ZNF69: variants seen among roughly 807,000 people sequenced by gnomAD.
The protein encoded by ZNF69 is ZNF3.
A neutral mutation model predicts 50.9 loss-of-function variants in ZNF69; 47 were observed. That is an observed-to-expected ratio of 0.92 (90% CI 0.73 to 1.18). The LOEUF (loss-of-function observed/expected upper bound fraction) is 1.18. ZNF69 is among the 50% of genes most tolerant of loss of function. The probability of loss-of-function intolerance (pLI) is 0.00; values close to 1 mark genes in which losing one functional copy is unlikely to be tolerated. For synonymous variants in ZNF69, 216 were observed against 223.1 expected, an observed-to-expected ratio of 0.97 and a Z score of 0.29; for missense variants, 717 against 675.1, an observed-to-expected ratio of 1.06 and a Z score of -0.69.
chr19:11,937,874 G>T, the ZNF69 span, among the ~76,000 whole-genome samples: 1 of 152,086 alleles, frequency 6.6e-6, no homozygotes, highest in Non-Finnish European at 1.5e-5. Context: ...TAATCATGAG[G>T]AGATATTAAC....
the ZNF69 span, among the ~76,000 whole-genome samples, chr19:11,958,452 C>T: frequency 3.3e-5 from 5 of 151,826 alleles, no homozygotes; most frequent in Admixed American, 2.0e-4. Context: ...CTGGAGAATT[C>T]GCTGGTGTTC....
At chr19:11,932,470 AT>A in the ZNF69 span, among the ~76,000 whole-genome samples, 1 of 148,578 alleles carries the variant, frequency 6.7e-6, no homozygotes, top group Admixed American at 6.6e-5. Flanking sequence ...AAAGTATTAC[AT>A]ATGCACAAAA....
At chr19:11,933,364 A>C in the ZNF69 span, among the ~76,000 whole-genome samples, 1 of 148,336 alleles carries the variant, frequency 6.7e-6, no homozygotes, top group South Asian at 2.1e-4. Context: ...TGAAGAAGCC[A>C]ATATTATTAT....
At chr19:11,978,336 G>C in the ZNF69 span, 1 of 1,614,082 alleles carries the variant, frequency 6.2e-7, no homozygotes, top group African/African-American at 1.3e-5. Context: ...CGAGTATCAG[G>C]ACTATGCACC....
the ZNF69 span, chr19:11,979,967 G>A: frequency 8.1e-7 from 1 of 1,229,048 alleles, no homozygotes; most frequent in Non-Finnish European, 1.2e-6. Context: ...ATCTTACACT[G>A]GAGAGAAACC....
At chr19:11,894,973 C>T (rs555965180) in intron 1 of ZNF69, among the ~76,000 whole-genome samples, 70 of 152,240 alleles carry the variant, frequency 4.6e-4, no homozygotes, top group African/African-American at 1.4e-3. Flanking sequence ...GGGCATAGTG[C>T]GGTGTTGGTG....
chr19:11,904,073 T>C, intron 3 of ZNF69, 108 bp downstream of exon 3: 1 of 1,350,856 alleles, frequency 7.4e-7, no homozygotes. Context: ...ATACATTTAT[T>C]TTTAGAATAT....
At chr19:11,897,694 A>C (rs1972155408) in intron 1 of ZNF69, among the ~76,000 whole-genome samples, 2 of 151,504 alleles carry the variant, frequency 1.3e-5, no homozygotes, top group Non-Finnish European at 3.0e-5. Flanking sequence ...AACATGGTGA[A>C]TCCCCGCCTC....
At chr19:11,955,128 C>T in the ZNF69 span, among the ~76,000 whole-genome samples, 1 of 151,072 alleles carries the variant, frequency 6.6e-6, no homozygotes, top group Non-Finnish European at 1.5e-5. Flanking sequence ...CCTCAGCCTC[C>T]TGAGTAGCTG....
At chr19:11,919,725 G>C in the ZNF69 span, among the ~76,000 whole-genome samples, 5,485 of 152,204 alleles carry the variant, frequency 0.036, 362 homozygotes, top group African/African-American at 0.13. Flanking sequence ...AGAGAACTCT[G>C]TCTCTCCAGC....
At chr19:11,968,887 G>A in the ZNF69 span, among the ~76,000 whole-genome samples, 2 of 152,106 alleles carry the variant, frequency 1.3e-5, no homozygotes, top group African/African-American at 4.8e-5. Flanking sequence ...TAAAAAGACA[G>A]TGACAAGGGA....
At chr19:11,951,235 T>TG in the ZNF69 span, among the ~76,000 whole-genome samples, 2 of 147,602 alleles carry the variant, frequency 1.4e-5, no homozygotes, top group Admixed American at 6.6e-5. Flanking sequence ...TGCTGGTTTT[T>TG]GTTTTTTTTT....
At chr19:11,890,122 C>A (rs954280792) in intron 1 of ZNF69, among the ~76,000 whole-genome samples, 2 of 152,176 alleles carry the variant, frequency 1.3e-5, no homozygotes, top group Non-Finnish European at 2.9e-5. Flanking sequence ...GAGACAGAAG[C>A]CTTCCTCTTA....
At chr19:11,965,043 T>G in the ZNF69 span, 3 of 801,710 alleles carry the variant, frequency 3.7e-6, no homozygotes, top group Non-Finnish European at 6.2e-6. Flanking sequence ...CGCATTCCTG[T>G]CCTCACCTTT....
At chr19:11,975,852 A>G in the ZNF69 span, among the ~76,000 whole-genome samples, 1 of 151,950 alleles carries the variant, frequency 6.6e-6, no homozygotes, top group Admixed American at 6.6e-5. Flanking sequence ...ACACCTGGAT[A>G]TATACACCTG....
At chr19:11,892,490 G>A (rs1303261629) in intron 1 of ZNF69, among the ~76,000 whole-genome samples, 1 of 152,056 alleles carries the variant, frequency 6.6e-6, no homozygotes, top group African/African-American at 2.4e-5. Flanking sequence ...CAGTGGGATG[G>A]CTCACACCTG....
At chr19:11,890,350 A>T (rs1233941476) in intron 1 of ZNF69, among the ~76,000 whole-genome samples, 1 of 152,188 alleles carries the variant, frequency 6.6e-6, no homozygotes, top group Non-Finnish European at 1.5e-5. Context: ...CCGAGAATGG[A>T]GAATGGTGAT....
In ZNF69 at chr19:11,906,079, C is replaced by T. The variant is rs1217670899; in HGVS notation, c.1682C>T (p.Pro561Leu). 3 of 1,612,064 alleles carry T rather than the reference C, an allele frequency of 1.9e-6. No individual in the cohort carries two copies. The highest frequency in any genetic ancestry group is 1.3e-5 in the African/African-American group (1 of 74,780). ...MHGRTHPEDKPYECKQ is the reference protein window; with the variant it reads ...MHGRTHPEDKLYECKQ Reference sequence around the variant, plus strand: ...GGTAGGACTCACCCTGAAGATAAACCCTATGAGTGTAAGCAATGAGGGAAA... The same window carrying T: ...GGTAGGACTCACCCTGAAGATAAACTCTATGAGTGTAAGCAATGAGGGAAA... The change falls in exon 4 of 4, where the codon CCC becomes CTC. Residue 561 changes from proline (P) to leucine (L), a missense_variant. Coordinates refer to ENST00000429654, the MANE Select transcript of ZNF69 (RefSeq NM_001364730.1).
the ZNF69 span, among the ~76,000 whole-genome samples, chr19:11,936,870 TG>T: frequency 3.3e-5 from 5 of 152,290 alleles, 1 homozygote; most frequent in Admixed American, 3.3e-4. Flanking sequence ...TTGTGTAAGG[TG>T]TAAGGAAGGG....
Sources: gnomAD v4.1 joint callset for allele counts (sites outside exome capture counted in the v4.1 genomes callset) on GRCh38, gnomAD v4.1.1 for gene constraint, MANE v1.5 for transcripts, NCBI Gene and HGNC (gene_info 2026-07-23, HGNC 2026-07-21) for gene names.